The following HMGA2 variants were observed in gnomAD, a reference collection of about 807,000 sequenced individuals.
The protein encoded by HMGA2 is high mobility group protein HMGI-C.
Under a neutral mutation model 19.1 loss-of-function variants are expected in HMGA2, and 8 were observed. That is an observed-to-expected ratio of 0.42 (90% confidence interval 0.25 to 0.76). The LOEUF is 0.76. HMGA2 is among the 30% of genes least tolerant of loss of function. The pLI is 0.28. For synonymous variants in HMGA2, 60 were observed against 48.8 expected (o/e 1.23, Z -0.96); for missense variants, 109 against 136.3 (o/e 0.80, Z 1.00).
intron 3 of HMGA2, among the ~76,000 whole-genome samples, chr12:65,941,505 A>T (rs1022171188): frequency 6.6e-6 from 1 of 152,210 alleles, no homozygotes; most frequent in African/African-American, 2.4e-5. Flanking sequence ...AGTCAGCCCT[A>T]AACTAGTGCC....
chr12:65,889,123 G>A (rs959945585), intron 3 of HMGA2, among the ~76,000 whole-genome samples: 6 of 152,150 alleles, frequency 3.9e-5, no homozygotes, highest in African/African-American at 1.4e-4. Context: ...AATATTAGTT[G>A]TGCCCATTTT....
intron 3 of HMGA2, among the ~76,000 whole-genome samples, chr12:65,918,158 TC>T (rs1270405057): frequency 6.6e-6 from 1 of 152,234 alleles, no homozygotes; most frequent in Non-Finnish European, 1.5e-5. Flanking sequence ...AAAATGTCCT[TC>T]CTAATCTTAG....
chr12:65,858,775 C>T (rs1203752423), intron 3 of HMGA2: 1 of 152,340 alleles, frequency 6.6e-6, no homozygotes, highest in South Asian at 2.1e-4. Flanking sequence ...GTCTAAATCT[C>T]GCTCACTGTG....
chr12:65,871,392 T>C (rs1158516264), intron 3 of HMGA2, among the ~76,000 whole-genome samples: 3 of 152,160 alleles, frequency 2.0e-5, no homozygotes, highest in African/African-American at 7.2e-5. Context: ...GAGAAGAAGG[T>C]TGCTGACTCC....
chr12:65,865,193 T>TC, intron 3 of HMGA2, among the ~76,000 whole-genome samples: 1 of 152,248 alleles, frequency 6.6e-6, no homozygotes, highest in East Asian at 1.9e-4. Flanking sequence ...ACAAAATATG[T>TC]GTTAATCGAC....
intron 3 of HMGA2, among the ~76,000 whole-genome samples, chr12:65,886,608 C>T (rs1274438856): frequency 1.3e-5 from 2 of 151,988 alleles, no homozygotes; most frequent in African/African-American, 4.8e-5. Flanking sequence ...CTGCCCGTCT[C>T]GGCCTCCCAA....
chr12:65,949,340 G>A (rs1377757894), intron 3 of HMGA2, among the ~76,000 whole-genome samples: 1 of 151,756 alleles, frequency 6.6e-6, no homozygotes, highest in Non-Finnish European at 1.5e-5. Context: ...ATAAACCACT[G>A]TACCACTGAG....
intron 2 of HMGA2, among the ~76,000 whole-genome samples, chr12:65,831,347 A>C (rs1870467967): frequency 6.6e-6 from 1 of 151,816 alleles, no homozygotes; most frequent in African/African-American, 2.4e-5. Flanking sequence ...TCAGTGTTGA[A>C]GGTCTCAGGT....
intron 2 of HMGA2, among the ~76,000 whole-genome samples, chr12:65,833,176 G>A (rs1870549212): frequency 6.6e-6 from 1 of 152,064 alleles, no homozygotes; most frequent in African/African-American, 2.4e-5. Flanking sequence ...GTAAAATTAG[G>A]AAACTTACAG....
chr12:65,850,086 T>C (rs1271338598), intron 3 of HMGA2, among the ~76,000 whole-genome samples: 1 of 152,190 alleles, frequency 6.6e-6, no homozygotes, highest in Non-Finnish European at 1.5e-5. Context: ...TTAAAATTTG[T>C]CATCAAATCA....
At position 65,825,744 on chromosome 12, in the gene HMGA2, G is replaced by A. The variant is rs1870135673; in HGVS notation, c.111+363G>A. On this transcript the variant is annotated intron_variant, in intron 1 of 4. Transcript: ENST00000403681. This position sits in a 1 kb window ranked among gnomAD's most constrained non-coding sequence, Gnocchi z 4.4. ...ACCCGGGCTCGCAGGCGCTTTCCGAGTTGCTTTTGCAACTGCCCGGGAGGA... is the reference window on the plus strand; with the variant it reads ...ACCCGGGCTCGCAGGCGCTTTCCGAATTGCTTTTGCAACTGCCCGGGAGGA... Among the ~76,000 whole-genome samples the A allele has an allele frequency of 6.6e-6, 1 of 152,198 alleles. No individual in the cohort carries two copies. The highest frequency in any genetic ancestry group is 2.4e-5 in the African/African-American group (1 of 41,466).
chr12:65,832,486 T>C (rs1476135401), intron 2 of HMGA2, among the ~76,000 whole-genome samples: 1 of 151,992 alleles, frequency 6.6e-6, no homozygotes, highest in Non-Finnish European at 1.5e-5. Context: ...ACCAGATTGG[T>C]ATTCTATTGC....
At chr12:65,833,484 T>TA (rs1256379757) in intron 2 of HMGA2, among the ~76,000 whole-genome samples, 3 of 150,954 alleles carry the variant, frequency 2.0e-5, no homozygotes, top group East Asian at 1.9e-4. Flanking sequence ...TCACAGTACA[T>TA]AAAAAAAATG....
chr12:65,893,244 A>G (rs893420305), intron 3 of HMGA2, among the ~76,000 whole-genome samples: 1 of 152,194 alleles, frequency 6.6e-6, no homozygotes, highest in Non-Finnish European at 1.5e-5. Flanking sequence ...CATTTTGTTC[A>G]TAGCAACATC....
At chr12:65,938,576 G>A (rs2121286889) in intron 3 of HMGA2, among the ~76,000 whole-genome samples, 1 of 152,184 alleles carries the variant, frequency 6.6e-6, no homozygotes, top group Admixed American at 6.5e-5. Context: ...ACTCTCTCAT[G>A]CTAACAACTC....
chr12:65,876,680 A>T (rs1340606743), intron 3 of HMGA2, among the ~76,000 whole-genome samples: 1 of 152,218 alleles, frequency 6.6e-6, no homozygotes, highest in Non-Finnish European at 1.5e-5. Context: ...AACTTTCTAA[A>T]TCAAATTTTT....
intron 3 of HMGA2, among the ~76,000 whole-genome samples, chr12:65,906,719 A>G (rs1442771785): frequency 3.3e-5 from 5 of 152,156 alleles, no homozygotes. Flanking sequence ...GGCATTAGAG[A>G]AGAAGATCAT....
At chr12:65,836,894 T>C (rs1455875411) in intron 2 of HMGA2, among the ~76,000 whole-genome samples, 1 of 152,210 alleles carries the variant, frequency 6.6e-6, no homozygotes, top group Admixed American at 6.5e-5. Context: ...TTTCCTAAAG[T>C]ATTTTTTTAT....
At chr12:65,936,144 T>G (rs1314824290) in intron 3 of HMGA2, among the ~76,000 whole-genome samples, 1 of 152,160 alleles carries the variant, frequency 6.6e-6, no homozygotes, top group Non-Finnish European at 1.5e-5. Flanking sequence ...TATTAAGTAA[T>G]GTTGTTCCTT....
Sources: gnomAD v4.1 joint callset for allele counts (sites outside exome capture counted in the v4.1 genomes callset) on GRCh38, gnomAD v4.1.1 for gene constraint, Gnocchi (gnomAD v3.1) non-coding constraint, MANE v1.5 for transcripts, NCBI Gene and HGNC (gene_info 2026-07-23, HGNC 2026-07-21) for gene names.